Variants in KCND2 observed in about 807,000 individuals in gnomAD.
KCND2 encodes the protein potassium voltage-gated channel subfamily D member 2.
A neutral mutation model predicts 54.4 loss-of-function variants in KCND2; 16 were observed. The ratio of observed to expected loss-of-function variants is 0.29; its 90% confidence interval spans 0.20 to 0.45. The LOEUF is 0.45. Ranked by LOEUF, KCND2 falls within the 20% of genes least tolerant of loss-of-function variation. The probability of loss-of-function intolerance (pLI) is 1.00; values close to 1 mark genes in which losing one functional copy is unlikely to be tolerated. For synonymous variants in KCND2, 317 were observed against 310.7 expected (o/e 1.02, Z -0.21); for missense variants, 486 against 824.2 (o/e 0.59, Z 5.02).
chr7:120,521,754 TGTGA>T (rs925541985), intron 1 of KCND2, among the ~76,000 whole-genome samples: 7 of 152,198 alleles, frequency 4.6e-5, no homozygotes, highest in African/African-American at 1.7e-4. Context: ...ATAATATATA[TGTGA>T]GTGTGTATAT....
At chr7:120,499,086 A>G (rs993946377) in intron 1 of KCND2, among the ~76,000 whole-genome samples, 1 of 152,142 alleles carries the variant, frequency 6.6e-6, no homozygotes, top group Non-Finnish European at 1.5e-5. Context: ...GTTCATATGC[A>G]TGATTCTTGT....
At chr7:120,631,818 TA>T (rs1212611601) in intron 1 of KCND2, among the ~76,000 whole-genome samples, 1 of 152,176 alleles carries the variant, frequency 6.6e-6, no homozygotes, top group Non-Finnish European at 1.5e-5. Context: ...GGGGATTGCA[TA>T]TTCTTCATTA....
At chr7:120,674,480 AAATGAATG>A (rs149944602) in intron 1 of KCND2, among the ~76,000 whole-genome samples, 3 of 152,156 alleles carry the variant, frequency 2.0e-5, no homozygotes, top group Non-Finnish European at 2.9e-5. Flanking sequence ...GCAGAAGAAT[AAATGAATG>A]AATGAATGAA....
At chr7:120,447,519 T>G (rs1044290535) in intron 1 of KCND2, among the ~76,000 whole-genome samples, 1 of 152,142 alleles carries the variant, frequency 6.6e-6, no homozygotes, top group Non-Finnish European at 1.5e-5. Flanking sequence ...AAGAAATGAC[T>G]CAGAGGCCAT....
At chr7:120,734,660 T>G (rs1273439789) in intron 2 of KCND2, among the ~76,000 whole-genome samples, 1 of 152,126 alleles carries the variant, frequency 6.6e-6, no homozygotes, top group African/African-American at 2.4e-5. Flanking sequence ...GGAAATCTCT[T>G]TTGTAGTTTC....
At chr7:120,566,599 G>A (rs752953148) in intron 1 of KCND2, among the ~76,000 whole-genome samples, 2 of 152,014 alleles carry the variant, frequency 1.3e-5, no homozygotes, top group Admixed American at 6.6e-5. Flanking sequence ...TGCCTCCTTG[G>A]CCTCCCAAAG....
intron 1 of KCND2, among the ~76,000 whole-genome samples, chr7:120,516,765 G>A (rs977293934): frequency 2.0e-5 from 3 of 152,080 alleles, no homozygotes; most frequent in Non-Finnish European, 4.4e-5. Context: ...CTACATATAT[G>A]AAAATACAAA....
chr7:120,712,836 G>A (rs4730978), intron 1 of KCND2, among the ~76,000 whole-genome samples: 35,419 of 152,038 alleles, frequency 0.23, 4,473 homozygotes, highest in East Asian at 0.43. Flanking sequence ...CTTCTTGAAA[G>A]ACTTATTTTC....
At chr7:120,617,940 A>G (rs1433367880) in intron 1 of KCND2, among the ~76,000 whole-genome samples, 2 of 152,218 alleles carry the variant, frequency 1.3e-5, no homozygotes, top group Admixed American at 1.3e-4. Context: ...GTTCTCACTT[A>G]TAAGTGGGAG....
At chr7:120,387,821 C>T (rs1584757637) in intron 1 of KCND2, among the ~76,000 whole-genome samples, 1 of 151,758 alleles carries the variant, frequency 6.6e-6, no homozygotes, top group Non-Finnish European at 1.5e-5. Flanking sequence ...AGGATGCTGG[C>T]GATAATACAT....
At chr7:120,639,147 A>T (rs949750699) in intron 1 of KCND2, among the ~76,000 whole-genome samples, 2 of 152,198 alleles carry the variant, frequency 1.3e-5, no homozygotes, top group East Asian at 1.9e-4. Flanking sequence ...ATACTGCAAC[A>T]TCTTTGATGG....
intron 1 of KCND2, among the ~76,000 whole-genome samples, chr7:120,607,165 A>G (rs1237923703): frequency 7.0e-6 from 1 of 142,258 alleles, no homozygotes; most frequent in Admixed American, 7.3e-5. Flanking sequence ...CCAGAAAGCT[A>G]ATTTTTCTTA....
chr7:120,688,822 G>A (rs1008773721), intron 1 of KCND2, among the ~76,000 whole-genome samples: 4 of 152,134 alleles, frequency 2.6e-5, no homozygotes, highest in African/African-American at 9.7e-5. Context: ...CTGCTCTAAA[G>A]ATGTACTTTT....
chr7:120,689,563 G>A (rs1792244942), intron 1 of KCND2, among the ~76,000 whole-genome samples: 1 of 152,044 alleles, frequency 6.6e-6, no homozygotes, highest in South Asian at 2.1e-4. Context: ...GTAAAATGCA[G>A]GTTGTCCTTT....
At chr7:120,295,471 G>C (rs1799499358) in intron 1 of KCND2, among the ~76,000 whole-genome samples, 1 of 151,062 alleles carries the variant, frequency 6.6e-6, no homozygotes, top group African/African-American at 2.4e-5. Context: ...ACTTATGTCA[G>C]GAAATTATGG....
At chr7:120,542,593 T>C (rs1027240368) in intron 1 of KCND2, among the ~76,000 whole-genome samples, 6 of 152,140 alleles carry the variant, frequency 3.9e-5, no homozygotes, top group African/African-American at 1.2e-4. Context: ...ATGTTCTATA[T>C]AGTTCATGTC....
intron 1 of KCND2, among the ~76,000 whole-genome samples, chr7:120,661,649 CA>C (rs796133968): frequency 0.044 from 5,350 of 121,196 alleles, 230 homozygotes; most frequent in African/African-American, 0.15. Flanking sequence ...GACTTCTTCT[CA>C]AAAAAAAAAA....
chr7:120,587,547 G>A (rs927981229), intron 1 of KCND2, among the ~76,000 whole-genome samples: 3 of 151,540 alleles, frequency 2.0e-5, no homozygotes, highest in Admixed American at 6.6e-5. Flanking sequence ...TTTTCCAGAC[G>A]AATAGATTTC....
At chr7:120,314,281 C>T (rs959021548) in intron 1 of KCND2, among the ~76,000 whole-genome samples, 6 of 150,502 alleles carry the variant, frequency 4.0e-5, no homozygotes, top group Admixed American at 6.6e-5. Flanking sequence ...TGCAGTGAGC[C>T]GAGATCGCAC....
Sources: gnomAD v4.1 joint callset for allele counts (sites outside exome capture counted in the v4.1 genomes callset) on GRCh38, gnomAD v4.1.1 for gene constraint, MANE v1.5 for transcripts, NCBI Gene and HGNC (gene_info 2026-07-23, HGNC 2026-07-21) for gene names.